The following PKD1L1 variants were observed in gnomAD, a reference collection of about 807,000 sequenced individuals.
PKD1L1 encodes the protein polycystin-1-like protein 1.
A neutral mutation model predicts 323.4 loss-of-function variants in PKD1L1; 236 were observed. The ratio of observed to expected loss-of-function variants is 0.73; its 90% CI spans 0.66 to 0.81. The LOEUF is 0.81. Among genes scored for constraint, PKD1L1 ranks in the 40% least tolerant of loss-of-function variants. PKD1L1 has a pLI of 0.00. For synonymous variants in PKD1L1, 1,344 were observed against 1,335.0 expected, an observed-to-expected ratio of 1.01 and a Z score of -0.15; for missense variants, 3,320 against 3,508.0, an observed-to-expected ratio of 0.95 and a Z score of 1.35.
rs942890952 is a variant in PKD1L1 at position 47,808,336 on chromosome 7, C to T, written c.7738G>A (p.Val2580Ile). Residue 2580 changes from valine (V) to isoleucine (I), a missense_variant, in exon 52 of 57, where the codon GTT (valine) becomes ATT (isoleucine). Val to Ile is a conservative substitution (Grantham distance 29). Transcript: ENST00000289672. ...TTAGTGACATCTCCAGCAAGAGTAA[C>T]AAGGTGGCCGGAAACTGCATAGTAG... ...LTYYAVSGHL[V>I]TLAGDVTNQF... 11 of 1,614,146 alleles carry T rather than the reference C, an allele frequency of 6.8e-6. No individual in the cohort carries two copies. Among genetic ancestry groups the T allele is most frequent in the Non-Finnish European group, 8.5e-6 (10 of 1,180,032 alleles).
At chr7:47,913,252 A>C (rs1316405271) in intron 8 of PKD1L1, among the ~76,000 whole-genome samples, 19 of 152,194 alleles carry the variant, frequency 1.2e-4, no homozygotes, top group Non-Finnish European at 1.5e-5. Context: ...TCCTAAAAAA[A>C]ATCTACTAGA....
At position 47,788,801 on chromosome 7, in the gene PKD1L1, G is replaced by A. The variant is rs145899757; in HGVS notation, c.8526+3826C>T. On this transcript the variant is annotated intron_variant, in intron 56 of 56. Transcript: ENST00000289672. ...TTTAGTAGAGATGGGTTTTCACCGT[G>A]TGAGCCAGGATGGTCTCGATCTCCT... 9.7e-3 allele frequency among the ~76,000 whole-genome samples: 1,472 copies of A among 151,332 alleles called. 24 individuals carry two copies. The highest frequency in any genetic ancestry group is 0.033 in the African/African-American group (1,366 of 41,250).
chr7:47,943,830 C>T (rs1788046187), intron 1 of PKD1L1, among the ~76,000 whole-genome samples: 1 of 152,188 alleles, frequency 6.6e-6, no homozygotes, highest in African/African-American at 2.4e-5. Context: ...CCTTCCAGGG[C>T]AAGGTCTGGC....
intron 19 of PKD1L1, among the ~76,000 whole-genome samples, chr7:47,884,045 T>C (rs1786624670): frequency 6.6e-6 from 1 of 152,152 alleles, no homozygotes; most frequent in Non-Finnish European, 1.5e-5. Context: ...AAGCTGGCCA[T>C]GGAAGCTTTC....
In PKD1L1 at chr7:47,890,767, T is replaced by C. The variant is rs2128748732; in HGVS notation, c.2454-4A>G. On this transcript the variant is annotated splice_polypyrimidine_tract_variant and splice_region_variant and intron_variant, in intron 15 of 56. Transcript: ENST00000289672. ...GGTGGCGCATTCCCAGTGATACCTG[T>C]TGGAGAAGTCATCGGAGTGGCTGAG... is the stretch of plus-strand genomic sequence containing the variant. The C allele has an allele frequency of 1.2e-6, 2 of 1,611,888 alleles. No homozygotes were observed. Among genetic ancestry groups the C allele is most frequent in the Non-Finnish European group, 1.7e-6 (2 of 1,179,820 alleles).
At chr7:47,952,771 TAC>T (rs1788222617), upstream of PKD1L1, among the ~76,000 whole-genome samples, 1 of 152,212 alleles carries the variant, frequency 6.6e-6, no homozygotes, top group Admixed American at 6.5e-5. Flanking sequence ...GGCATCATGG[TAC>T]ACTTTTAAAG....
intron 56 of PKD1L1, among the ~76,000 whole-genome samples, chr7:47,788,447 C>T (rs1200960025): frequency 4.0e-5 from 6 of 150,136 alleles, no homozygotes; most frequent in South Asian, 2.1e-4. Context: ...TGCACCATGC[C>T]GGGTTAATTT....
the PKD1L1 span, among the ~76,000 whole-genome samples, chr7:47,959,827 T>A: frequency 6.7e-6 from 1 of 149,988 alleles, no homozygotes; most frequent in South Asian, 2.1e-4. Context: ...TACTGGGAAG[T>A]GAGGAGCCCC....
Position 47,823,138 on chromosome 7 carries a change from T to C in PKD1L1, c.6855-1952A>G, listed in dbSNP as rs936602169. ...GATCGGAGAGGACATTTTTGCCTTG[T>C]TTGATATCTTAAAAAACATTCGATA... On this transcript the variant is annotated intron_variant, in intron 45 of 56. Coordinates refer to ENST00000289672, the MANE Select transcript of PKD1L1 (RefSeq NM_138295.5). Among the ~76,000 whole-genome samples, 3 of 152,204 alleles carry C rather than the reference T, an allele frequency of 2.0e-5. No homozygotes were observed. In the South Asian group the frequency reaches 6.2e-4, roughly 31 times the overall value.
intron 14 of PKD1L1, among the ~76,000 whole-genome samples, chr7:47,896,329 C>CAAAA (rs34061319): frequency 4.5e-4 from 21 of 46,844 alleles, no homozygotes; most frequent in African/African-American, 1.0e-3. Context: ...GACCCTGTCT[C>CAAAA]AAAAAAAAAA....
intron 7 of PKD1L1, among the ~76,000 whole-genome samples, chr7:47,928,758 C>T (rs1787702018): frequency 1.3e-5 from 2 of 152,162 alleles, no homozygotes; most frequent in African/African-American, 4.8e-5. Flanking sequence ...TTTGTTGAGA[C>T]TACAAAATGT....
intron 49 of PKD1L1, among the ~76,000 whole-genome samples, chr7:47,812,611 C>T (rs1784924864): frequency 6.6e-6 from 1 of 152,172 alleles, no homozygotes; most frequent in Non-Finnish European, 1.5e-5. Flanking sequence ...GTGTGAGGTG[C>T]ATGCTGCTTG....
chr7:47,842,825 G>A (rs1024101945), intron 34 of PKD1L1, 137 bp downstream of exon 34: 14 of 786,960 alleles, frequency 1.8e-5, no homozygotes, highest in African/African-American at 1.4e-4. Flanking sequence ...TGGAAAGGGC[G>A]GGCAAGCTTT....
chr7:47,853,311 T>G, intron 30 of PKD1L1, 84 bp from the exon 31 acceptor site: 1 of 1,016,088 alleles, frequency 9.8e-7, no homozygotes. Context: ...AAGAGTTTAC[T>G]CAATTTGTGC....
At chr7:47,887,959 A>G (rs778217120) in intron 17 of PKD1L1, 31 bp downstream of exon 17, 3 of 1,580,652 alleles carry the variant, frequency 1.9e-6, no homozygotes, top group Non-Finnish European at 2.6e-6. Context: ...TTTCCCTCAG[A>G]AAACAAAATA....
chr7:47,818,612 C>T (rs1785073862), intron 46 of PKD1L1, among the ~76,000 whole-genome samples: 1 of 152,180 alleles, frequency 6.6e-6, no homozygotes, highest in African/African-American at 2.4e-5. Context: ...ACTCCTGGCA[C>T]ACCCAAAGTG....
chr7:47,935,197 C>T (rs1451409896), intron 4 of PKD1L1, among the ~76,000 whole-genome samples: 4 of 152,178 alleles, frequency 2.6e-5, no homozygotes, highest in South Asian at 2.1e-4. Flanking sequence ...AAATAAGCTG[C>T]GAAATTCTTC....
intron 50 of PKD1L1, among the ~76,000 whole-genome samples, chr7:47,810,673 G>A (rs1261305266): frequency 6.6e-6 from 1 of 152,222 alleles, no homozygotes; most frequent in African/African-American, 2.4e-5. Flanking sequence ...TTGACCTGAA[G>A]AGTCAGCAGG....
At chr7:47,918,792 A>G (rs768623926) in intron 7 of PKD1L1, among the ~76,000 whole-genome samples, 11 of 152,310 alleles carry the variant, frequency 7.2e-5, no homozygotes, top group Non-Finnish European at 8.8e-5. Context: ...TGAAATCAAG[A>G]TGGAAATTTA....
Sources: gnomAD v4.1 joint callset for allele counts (sites outside exome capture counted in the v4.1 genomes callset) on GRCh38, gnomAD v4.1.1 for gene constraint, MANE v1.5 for transcripts, NCBI Gene and HGNC (gene_info 2026-07-23, HGNC 2026-07-21) for gene names.